The following EPS8 variants were observed in gnomAD, a reference collection of about 807,000 sequenced individuals.
The protein encoded by EPS8 is epidermal growth factor receptor kinase substrate 8.
EPS8 carries 42 observed loss-of-function variants against 103.8 expected under a neutral mutation model. The observed-to-expected ratio is 0.40, with a 90% CI of 0.32 to 0.52. EPS8 has a LOEUF of 0.52. Ranked by LOEUF, EPS8 falls within the 20% of genes least tolerant of loss-of-function variation. EPS8 has a pLI of 0.40. For synonymous variants in EPS8, 344 were observed against 344.6 expected (o/e 1.00, Z 0.02); for missense variants, 969 against 1,005.1 (o/e 0.96, Z 0.49).
chr12:15,664,863 A>AT (rs1168051762), intron 8 of EPS8, among the ~76,000 whole-genome samples: 1 of 152,154 alleles, frequency 6.6e-6, no homozygotes, highest in African/African-American at 2.4e-5. Flanking sequence ...ATTTTAAGGC[A>AT]TTTTTTTAGT....
rs887985802 is a variant in EPS8, at chr12:15,696,309, A to T, written c.-21-13337T>A. On this transcript the variant is annotated intron_variant, in intron 1 of 20. Coordinates refer to ENST00000281172, the MANE Select transcript of EPS8 (RefSeq NM_004447.6). The surrounding 1 kb of genome is among the most constrained non-coding windows in gnomAD (Gnocchi z 4.8). Reference sequence around the variant, plus strand: ...AGAAACACAAAAATAAAACAGTAAAATCTATAAAACACTAACTTTAGAGAC... The same window carrying T: ...AGAAACACAAAAATAAAACAGTAAATTCTATAAAACACTAACTTTAGAGAC... 1.3e-5 allele frequency among the ~76,000 whole-genome samples: 2 copies of T among 152,146 alleles called. No individual in the cohort carries two copies. Among genetic ancestry groups the T allele is most frequent in the Non-Finnish European group, 2.9e-5 (2 of 68,034 alleles).
chr12:15,764,657 C>T lies in EPS8; in HGVS notation c.-22+24504G>A, dbSNP rs1209907840. 1.3e-5 allele frequency among the ~76,000 whole-genome samples: 2 copies of T among 152,098 alleles called. No individual in the cohort carries two copies. ...TCTGAAGCCAGAAATTATACTTTAT[C>T]AATTTAACTCTTTTCAGTCAATAAC... On this transcript the variant is annotated intron_variant, in intron 1 of 20. Coordinates refer to ENST00000281172, the MANE Select transcript of EPS8 (RefSeq NM_004447.6). The surrounding 1 kb of genome is among the most constrained non-coding windows in gnomAD (Gnocchi z 4.1).
In EPS8 at chr12:15,714,484, A is replaced by G. The variant is rs1946506380; in HGVS notation, c.-21-31512T>C. Among the ~76,000 whole-genome samples, 1 of 152,112 alleles carries G rather than the reference A, an allele frequency of 6.6e-6. No individual in the cohort carries two copies. ...TACCAAGACCCCATCTCCACAAAAA[A>G]TTCAGCAATCAGCCAAGCATGGTGG... On this transcript the variant is annotated intron_variant, in intron 1 of 20. Coordinates refer to ENST00000281172, the MANE Select transcript of EPS8 (RefSeq NM_004447.6). The surrounding 1 kb of genome is among the most constrained non-coding windows in gnomAD (Gnocchi z 4.1).
chr12:15,647,835 A>G (rs1213715538), intron 14 of EPS8, among the ~76,000 whole-genome samples: 1 of 152,182 alleles, frequency 6.6e-6, no homozygotes, highest in Non-Finnish European at 1.5e-5. Context: ...TTTTAAAGCT[A>G]TAGAGCAGCA....
At position 15,735,596 on chromosome 12, in the gene EPS8, G is replaced by A. The variant is rs144678620; in HGVS notation, c.-21-52624C>T. ...TGAATCTTTTTAATATTTTTCTAGC[G>A]TTTTATAAACTGTAAGTAAAATAGG... is the stretch of plus-strand genomic sequence containing the variant. On this transcript the variant is annotated intron_variant, in intron 1 of 20. Coordinates refer to ENST00000281172, the MANE Select transcript of EPS8 (RefSeq NM_004447.6). The surrounding 1 kb of genome is among the most constrained non-coding windows in gnomAD (Gnocchi z 4.4). Among the ~76,000 whole-genome samples, 755 of 152,184 alleles carry A rather than the reference G, an allele frequency of 5.0e-3. 1 individual carries two copies. Among genetic ancestry groups the A allele is most frequent in the Non-Finnish European group, 7.5e-3 (513 of 68,016 alleles).
chr12:15,746,525 T>A (rs1394967706), intron 1 of EPS8, among the ~76,000 whole-genome samples: 1 of 152,116 alleles, frequency 6.6e-6, no homozygotes, highest in East Asian at 1.9e-4. Context: ...CTAATCAATC[T>A]TCTTTTTCTA....
intron 3 of EPS8, among the ~76,000 whole-genome samples, chr12:15,675,939 C>T (rs1945897443): frequency 6.6e-6 from 1 of 152,104 alleles, no homozygotes; most frequent in Non-Finnish European, 1.5e-5. Context: ...CATGTCTATA[C>T]ATTAACACGT....
At chr12:15,662,317 C>T in intron 8 of EPS8, 1 of 1,296,230 alleles carries the variant, frequency 7.7e-7, no homozygotes. Flanking sequence ...GTCCTCTCAA[C>T]TTTATGATGT....
chr12:15,708,696 T>G (rs1471542165), intron 1 of EPS8, among the ~76,000 whole-genome samples: 2 of 152,216 alleles, frequency 1.3e-5, no homozygotes, highest in Admixed American at 1.3e-4. Flanking sequence ...AAGTGTTGCC[T>G]AATATCAATC....
chr12:15,751,173 C>T lies in EPS8; in HGVS notation c.-22+37988G>A. Reference sequence around the variant, plus strand: ...AGGAGTTCGAGACCAGCCAGGCCAACATAGTGAAACTCTGTCTCTACTAAA... The same window carrying T: ...AGGAGTTCGAGACCAGCCAGGCCAATATAGTGAAACTCTGTCTCTACTAAA... On this transcript the variant is annotated intron_variant, in intron 1 of 20. Transcript: ENST00000281172. The surrounding 1 kb of genome is among the most constrained non-coding windows in gnomAD (Gnocchi z 4.3). Among the ~76,000 whole-genome samples the T allele has an allele frequency of 6.6e-6, 1 of 152,080 alleles. No homozygotes were observed. The highest frequency in any genetic ancestry group is 1.9e-4 in the East Asian group (1 of 5,172).
In EPS8 at chr12:15,677,676, TA is replaced by T. The variant is rs368567283; in HGVS notation, c.136+3549del. Among the ~76,000 whole-genome samples, 253 of 152,298 alleles carry T rather than the reference TA, an allele frequency of 1.7e-3. 1 individual carries two copies. The highest frequency in any genetic ancestry group is 4.4e-3 in the African/African-American group (183 of 41,572). On this transcript the variant is annotated intron_variant, in intron 3 of 20. Transcript: ENST00000281172. The stretch of plus-strand genomic sequence containing the variant: ...CAAATTATATCATAAATCTCTTCTT[TA>T]CTAACTTTCCAGTTAAGAAGAGACA...
At position 15,787,721 on chromosome 12, in the gene EPS8, T is replaced by A. The variant is rs751225082; in HGVS notation, c.-22+1440A>T. ...TTACAAAGTCTCAATCTGTGTATTCTGCAATAAAGGCATTATATTATCACT... is the reference window on the plus strand; with the variant it reads ...TTACAAAGTCTCAATCTGTGTATTCAGCAATAAAGGCATTATATTATCACT... On this transcript the variant is annotated intron_variant, in intron 1 of 20. Transcript: ENST00000281172. This position sits in a 1 kb window ranked among gnomAD's most constrained non-coding sequence, Gnocchi z 4.9. 2.0e-5 allele frequency among the ~76,000 whole-genome samples: 3 copies of A among 152,218 alleles called. No individual in the cohort carries two copies. Among genetic ancestry groups the A allele is most frequent in the Non-Finnish European group, 4.4e-5 (3 of 68,034 alleles).
At chr12:15,726,176 C>T in intron 1 of EPS8, among the ~76,000 whole-genome samples, 1 of 151,958 alleles carries the variant, frequency 6.6e-6, no homozygotes, top group South Asian at 2.1e-4. Flanking sequence ...AATTAAAGAG[C>T]TGACAAAGCA....
intron 18 of EPS8, among the ~76,000 whole-genome samples, chr12:15,626,012 G>A (rs548487966): frequency 2.0e-5 from 3 of 152,200 alleles, no homozygotes; most frequent in South Asian, 4.1e-4. Context: ...CTGAATTCCC[G>A]ATCTTCTTCC....
rs1240977350 is a variant in EPS8, at chr12:15,733,341, G to A, written c.-21-50369C>T. The stretch of plus-strand genomic sequence containing the variant: ...ACTTAATAAAACCATCAGATCTCAT[G>A]AGAACTCACTCTCTATCGTGAGAAC... On this transcript the variant is annotated intron_variant, in intron 1 of 20. Coordinates refer to ENST00000281172, the MANE Select transcript of EPS8 (RefSeq NM_004447.6). The surrounding 1 kb of genome is among the most constrained non-coding windows in gnomAD (Gnocchi z 4.8). Among the ~76,000 whole-genome samples the A allele has an allele frequency of 6.6e-6, 1 of 152,096 alleles. No individual in the cohort carries two copies. The highest frequency in any genetic ancestry group is 2.4e-5 in the African/African-American group (1 of 41,410).
At chr12:15,659,899 G>C (rs970580995) in intron 10 of EPS8, among the ~76,000 whole-genome samples, 2 of 152,080 alleles carry the variant, frequency 1.3e-5, no homozygotes, top group African/African-American at 4.8e-5. Context: ...CAAATCTGTT[G>C]AAACTTTTAA....
rs770426399 is a variant in EPS8 at position 15,631,577 on chromosome 12, G to T, written c.1909C>A (p.Leu637Ile). The change falls in exon 18 of 21, where the codon CTT becomes ATT. Residue 637 changes from leucine to isoleucine, a missense_variant. By Grantham distance (5) the Leu-to-Ile change is conservative. Coordinates refer to ENST00000281172, the MANE Select transcript of EPS8 (RefSeq NM_004447.6). ...PPTPAPVPVP[L>I]PPSTPAPVPV... Reference sequence around the variant, plus strand: ...ACAGGTGCTGGAGTGGAAGGGGGAAGGGGAACAGGAACAGGAGCTGGTGTT... The same window carrying T: ...ACAGGTGCTGGAGTGGAAGGGGGAATGGGAACAGGAACAGGAGCTGGTGTT... The T allele has an allele frequency of 2.6e-5, 42 of 1,613,980 alleles. No homozygotes were observed. Among genetic ancestry groups the T allele is most frequent in the Non-Finnish European group, 3.4e-5 (40 of 1,179,888 alleles).
At chr12:15,671,281 TTAC>T (rs1274262360) in intron 3 of EPS8, among the ~76,000 whole-genome samples, 3 of 152,154 alleles carry the variant, frequency 2.0e-5, no homozygotes, top group Admixed American at 2.0e-4. Flanking sequence ...ATTTCATCTG[TTAC>T]TGCACTGATA....
chr12:15,651,879 A>G lies in EPS8; in HGVS notation c.1251-873T>C, dbSNP rs533557327. On this transcript the variant is annotated intron_variant, in intron 13 of 20. Coordinates refer to ENST00000281172, the MANE Select transcript of EPS8 (RefSeq NM_004447.6). ...ATACTCTTAACAATCAGGATCTAAA[A>G]TGACCCTTTCCGTGTGTTAACAGCT... Among the ~76,000 whole-genome samples, 7 of 152,320 alleles carry G rather than the reference A, an allele frequency of 4.6e-5. No individual in the cohort carries two copies. In the South Asian group the frequency reaches 1.4e-3, roughly 32 times the overall value.
Sources: allele counts gnomAD v4.1 joint callset (sites outside exome capture counted in the v4.1 genomes callset), GRCh38; gene constraint gnomAD v4.1.1; non-coding constraint Gnocchi (gnomAD v3.1); transcripts MANE v1.5; gene names NCBI Gene and HGNC (gene_info 2026-07-23, HGNC 2026-07-21).